SOBP: variants seen among roughly 807,000 people sequenced by gnomAD.
SOBP encodes the protein sine oculis binding protein homolog, also known as sine oculis-binding protein homolog.
Under a neutral mutation model 53.6 loss-of-function variants are expected in SOBP, and 4 were observed. That is an observed-to-expected ratio of 0.07 (90% CI 0.04 to 0.17). The LOEUF is 0.17. Among genes scored for constraint, SOBP ranks in the 10% least tolerant of loss-of-function variants. The pLI, the probability that SOBP is intolerant of heterozygous loss-of-function variation, is 1.00. For missense variants in SOBP, 1,088 were observed against 1,204.7 expected, an observed-to-expected ratio of 0.90 and a Z score of 1.43; for synonymous variants, 584 against 522.6, an observed-to-expected ratio of 1.12 and a Z score of -1.60.
chr6:107,591,476 C>T (rs1785744799), intron 5 of SOBP, among the ~76,000 whole-genome samples: 1 of 152,124 alleles, frequency 6.6e-6, no homozygotes, highest in Admixed American at 6.5e-5. Context: ...ACCTTTGATC[C>T]AGGCCTTTCA....
At chr6:107,656,149 A>ATT (rs1772022849) in intron 6 of SOBP, among the ~76,000 whole-genome samples, 1 of 152,186 alleles carries the variant, frequency 6.6e-6, no homozygotes, top group Non-Finnish European at 1.5e-5. Flanking sequence ...TCCCAGAAGA[A>ATT]GTGACCCCGG....
intron 3 of SOBP, among the ~76,000 whole-genome samples, chr6:107,520,591 A>T (rs1399307441): frequency 1.3e-5 from 2 of 152,188 alleles, no homozygotes. Context: ...TACTTTCAGG[A>T]TACCTTGTCC....
chr6:107,623,781 C>T (rs1054659887), intron 5 of SOBP, among the ~76,000 whole-genome samples: 3 of 152,116 alleles, frequency 2.0e-5, no homozygotes, highest in African/African-American at 7.2e-5. Flanking sequence ...TTGATGAGCC[C>T]TTAGAAGAAA....
chr6:107,584,363 A>G (rs1785501297), intron 4 of SOBP, among the ~76,000 whole-genome samples: 1 of 152,198 alleles, frequency 6.6e-6, no homozygotes, highest in African/African-American at 2.4e-5. Context: ...ATAGTAATTT[A>G]AAATTACACA....
At chr6:107,649,511 T>C (rs373723107) in intron 6 of SOBP, among the ~76,000 whole-genome samples, 2 of 152,018 alleles carry the variant, frequency 1.3e-5, no homozygotes, top group East Asian at 3.9e-4. Context: ...ATTGAAGACA[T>C]AAACCACAAT....
chr6:107,566,692 A>G (rs1784926722), intron 4 of SOBP, among the ~76,000 whole-genome samples: 2 of 152,152 alleles, frequency 1.3e-5, no homozygotes, highest in Non-Finnish European at 2.9e-5. Flanking sequence ...GTACAAATCC[A>G]TCATGGCCTC....
chr6:107,545,803 A>C (rs1036820873), intron 4 of SOBP, among the ~76,000 whole-genome samples: 1 of 152,086 alleles, frequency 6.6e-6, no homozygotes, highest in African/African-American at 2.4e-5. Flanking sequence ...GCCACACATA[A>C]TGACAGTCAT....
At chr6:107,642,121 T>G (rs1417598770) in intron 6 of SOBP, among the ~76,000 whole-genome samples, 1 of 152,232 alleles carries the variant, frequency 6.6e-6, no homozygotes, top group East Asian at 1.9e-4. Context: ...ATAAACAATT[T>G]AGCACTGGCA....
chr6:107,514,511 G>C (rs1783260711), intron 3 of SOBP: 1 of 152,070 alleles, frequency 6.6e-6, no homozygotes, highest in Non-Finnish European at 1.5e-5. Context: ...TACAATTAAG[G>C]GTTCTTAAAA....
rs1770997866 is a variant in SOBP at position 107,635,421 on chromosome 6, G to A, written c.2577G>A (p.Pro859=). Residue 859 remains proline (P), a synonymous_variant, in exon 6 of 7, where the codon CCG becomes CCA. Coordinates refer to ENST00000317357, the MANE Select transcript of SOBP (RefSeq NM_018013.4). The surrounding 1 kb of genome is among the most constrained non-coding windows in gnomAD (Gnocchi z 4.5). The part of the protein sequence containing the change: ...MLSAGPEDLE[P]PLKRRCLRIR... The stretch of plus-strand genomic sequence containing the variant: ...GCGCCGGGCCTGAGGACCTGGAGCC[G>A]CCGCTCAAAAGGAGGTGCCTCCGAA... 1.2e-6 allele frequency: 2 copies of A among 1,613,480 alleles called. No individual in the cohort carries two copies. Among genetic ancestry groups the A allele is most frequent in the South Asian group, 1.1e-5 (1 of 91,088 alleles).
intron 5 of SOBP, among the ~76,000 whole-genome samples, chr6:107,617,091 A>G (rs1786819822): frequency 6.6e-6 from 1 of 152,194 alleles, no homozygotes; most frequent in Non-Finnish European, 1.5e-5. Flanking sequence ...CCGCACACCT[A>G]AAGTCCTAAC....
intron 4 of SOBP, among the ~76,000 whole-genome samples, chr6:107,537,641 C>T (rs924066403): frequency 3.3e-5 from 5 of 151,848 alleles, no homozygotes; most frequent in African/African-American, 4.8e-5. Flanking sequence ...AGCAATAGCG[C>T]GAGACCCTGT....
Position 107,490,309 on chromosome 6 carries a change from C to G in SOBP, c.-308C>G. On this transcript the variant is annotated 5_prime_UTR_variant, in exon 1 of 7. Transcript: ENST00000317357. ...GCAGCGAGGGCGGCAGGGGCAGCGG[C>G]AGCAGCGGCGGCGTTGGCTGCGGCG... 6.5e-6 allele frequency: 1 copy of G among 153,940 alleles called. No individual in the cohort carries two copies. Among genetic ancestry groups the G allele is most frequent in the Non-Finnish European group, 1.4e-5 (1 of 71,138 alleles). The allele number at this position is 153,940 out of a possible 1,614,324, so 9.5% of individuals were successfully genotyped here.
At chr6:107,580,626 C>T (rs1194896551) in intron 4 of SOBP, among the ~76,000 whole-genome samples, 1 of 152,116 alleles carries the variant, frequency 6.6e-6, no homozygotes, top group East Asian at 1.9e-4. Flanking sequence ...TGCACAGTTG[C>T]TTAATCTAAT....
chr6:107,510,052 A>G (rs1783122620), intron 3 of SOBP, among the ~76,000 whole-genome samples: 1 of 152,234 alleles, frequency 6.6e-6, no homozygotes, highest in South Asian at 2.1e-4. Flanking sequence ...TGATTTAGTC[A>G]TACTATCTAG....
chr6:107,630,128 G>A (rs1283967558), intron 5 of SOBP, among the ~76,000 whole-genome samples: 1 of 152,178 alleles, frequency 6.6e-6, no homozygotes, highest in African/African-American at 2.4e-5. Context: ...AACAAAGCTG[G>A]GGTGAAATTA....
At chr6:107,626,159 T>C (rs897732537) in intron 5 of SOBP, among the ~76,000 whole-genome samples, 36 of 151,654 alleles carry the variant, frequency 2.4e-4, no homozygotes, top group Non-Finnish European at 1.5e-5. Flanking sequence ...AAAAGAGGAG[T>C]CACAGTATTG....
At chr6:107,646,308 C>T (rs1004710315) in intron 6 of SOBP, among the ~76,000 whole-genome samples, 2 of 152,178 alleles carry the variant, frequency 1.3e-5, no homozygotes, top group African/African-American at 4.8e-5. Context: ...TCACAATGCA[C>T]GGTGGAAGGA....
intron 6 of SOBP, among the ~76,000 whole-genome samples, chr6:107,648,690 C>G (rs75170531): frequency 6.6e-6 from 1 of 152,164 alleles, no homozygotes; most frequent in East Asian, 1.9e-4. Context: ...GGCTAGGGGT[C>G]AGCTCTCCCA....
Sources: allele counts gnomAD v4.1 joint callset (sites outside exome capture counted in the v4.1 genomes callset), GRCh38; gene constraint gnomAD v4.1.1; non-coding constraint Gnocchi (gnomAD v3.1); transcripts MANE v1.5; gene names NCBI Gene and HGNC (gene_info 2026-07-23, HGNC 2026-07-21).